Variants in PTPRD observed in about 807,000 individuals in gnomAD.
PTPRD encodes the protein receptor-type tyrosine-protein phosphatase delta.
In PTPRD, 34 loss-of-function variants were observed where a neutral mutation model predicts 214.5. The observed-to-expected ratio is 0.16, with a 90% CI of 0.12 to 0.21. The LOEUF (loss-of-function observed/expected upper bound fraction) is 0.21, where lower values mean the gene tolerates loss of function less well. PTPRD is among the 10% of genes least tolerant of loss of function. PTPRD has a pLI of 1.00. For synonymous variants in PTPRD, 1,128 were observed against 845.7 expected, an observed-to-expected ratio of 1.33 and a Z score of -5.79; for missense variants, 2,545 against 2,398.7, an observed-to-expected ratio of 1.06 and a Z score of -1.27.
chr9:10,126,426 TACAC>T (rs57563877), intron 3 of PTPRD, among the ~76,000 whole-genome samples: 2,191 of 96,220 alleles, frequency 0.023, 30 homozygotes, highest in Non-Finnish European at 0.024. Flanking sequence ...GTTTTATATA[TACAC>T]ACACACACAC....
At chr9:9,250,751 A>T (rs1294106337) in intron 9 of PTPRD, among the ~76,000 whole-genome samples, 2 of 152,094 alleles carry the variant, frequency 1.3e-5, no homozygotes, top group African/African-American at 4.8e-5. Flanking sequence ...ACCAAACCAA[A>T]ACCAAAACCA....
intron 2 of PTPRD, among the ~76,000 whole-genome samples, chr9:10,445,715 C>G (rs1226923565): frequency 6.6e-6 from 1 of 151,732 alleles, no homozygotes; most frequent in Non-Finnish European, 1.5e-5. Context: ...TTGGGAAGCA[C>G]TAACAAGAAA....
intron 3 of PTPRD, among the ~76,000 whole-genome samples, chr9:10,266,861 T>C (rs899901141): frequency 6.6e-5 from 10 of 152,064 alleles, no homozygotes; most frequent in African/African-American, 2.4e-4. Context: ...GTCAGAAAAC[T>C]TCATGAAGAA....
At chr9:10,443,872 T>C (rs2098779318) in intron 2 of PTPRD, among the ~76,000 whole-genome samples, 1 of 148,652 alleles carries the variant, frequency 6.7e-6, no homozygotes, top group African/African-American at 2.6e-5. Flanking sequence ...CACAAATGTT[T>C]TTCCAACCTC....
chr9:9,133,080 A>G (rs536633858), intron 10 of PTPRD, among the ~76,000 whole-genome samples: 2 of 152,324 alleles, frequency 1.3e-5, no homozygotes, highest in Admixed American at 6.5e-5. Context: ...ATATCATGCA[A>G]TCAGGGTTAT....
intron 8 of PTPRD, among the ~76,000 whole-genome samples, chr9:9,521,849 T>C (rs2096981161): frequency 6.6e-6 from 1 of 152,012 alleles, no homozygotes; most frequent in South Asian, 2.1e-4. Flanking sequence ...GGCTTATAAA[T>C]ACTACAGAAA....
At chr9:8,521,598 GATT>G (rs1287730510) in intron 19 of PTPRD, 52 bp from the exon 20 acceptor site, 1 of 1,579,966 alleles carries the variant, frequency 6.3e-7, no homozygotes, top group African/African-American at 1.3e-5. Context: ...AGAAAAAGTG[GATT>G]ATTAAACACA....
At chr9:8,454,273 T>C (rs1456726071) in intron 33 of PTPRD, among the ~76,000 whole-genome samples, 1 of 152,236 alleles carries the variant, frequency 6.6e-6, no homozygotes, top group Admixed American at 6.5e-5. Flanking sequence ...ATGTCTGCTC[T>C]GTAAACACAT....
At chr9:9,895,694 C>T (rs2074769130) in intron 5 of PTPRD, among the ~76,000 whole-genome samples, 1 of 151,886 alleles carries the variant, frequency 6.6e-6, no homozygotes, top group Non-Finnish European at 1.5e-5. Context: ...CTATAGTCAA[C>T]AATATATTCT....
At chr9:9,944,846 G>C (rs761813571) in intron 4 of PTPRD, among the ~76,000 whole-genome samples, 1 of 152,032 alleles carries the variant, frequency 6.6e-6, no homozygotes, top group African/African-American at 2.4e-5. Context: ...AAGCCAGTGG[G>C]GTATTTTTTG....
chr9:9,049,938 G>C (rs564586656), intron 10 of PTPRD, among the ~76,000 whole-genome samples: 1 of 152,320 alleles, frequency 6.6e-6, no homozygotes, highest in East Asian at 1.9e-4. Context: ...AATGGTTCCT[G>C]AGTCACTTCC....
intron 11 of PTPRD, among the ~76,000 whole-genome samples, chr9:8,867,268 G>C (rs1267874156): frequency 1.3e-5 from 2 of 151,848 alleles, no homozygotes; most frequent in African/African-American, 2.4e-5. Flanking sequence ...TCCATGCAAG[G>C]AGATGAAATG....
At chr9:8,990,885 C>T (rs917234400) in intron 11 of PTPRD, among the ~76,000 whole-genome samples, 2 of 151,992 alleles carry the variant, frequency 1.3e-5, no homozygotes, top group African/African-American at 4.8e-5. Flanking sequence ...CACATTGCTA[C>T]ATGGCTGCCT....
rs932531440 is a variant in PTPRD, at chr9:9,391,302, G to A, written c.-203+6147C>T. Among the ~76,000 whole-genome samples the A allele has an allele frequency of 8.8e-4, 134 of 152,156 alleles. 1 individual carries two copies. Among genetic ancestry groups the A allele is most frequent in the African/African-American group, 3.1e-3 (130 of 41,504 alleles). On this transcript the variant is annotated intron_variant, in intron 9 of 45. Transcript: ENST00000381196. Reference sequence around the variant, plus strand: ...CTATAAACTACTCTGATTTTTAAATGATATTGATAAACAAGGAGACATTTC... The same window carrying A: ...CTATAAACTACTCTGATTTTTAAATAATATTGATAAACAAGGAGACATTTC...
intron 9 of PTPRD, among the ~76,000 whole-genome samples, chr9:9,224,971 T>C (rs190181885): frequency 6.6e-6 from 1 of 152,152 alleles, no homozygotes; most frequent in African/African-American, 2.4e-5. Context: ...TTCCTGTTAC[T>C]TTGGTGAATA....
intron 4 of PTPRD, among the ~76,000 whole-genome samples, chr9:9,952,928 A>C (rs1053111683): frequency 2.0e-5 from 3 of 152,174 alleles, no homozygotes; most frequent in African/African-American, 7.2e-5. Context: ...AGAATGATAT[A>C]ATTGGCAAGT....
chr9:10,508,075 T>C (rs951647309), intron 2 of PTPRD, among the ~76,000 whole-genome samples: 1 of 152,090 alleles, frequency 6.6e-6, no homozygotes, highest in African/African-American at 2.4e-5. Flanking sequence ...ATATCCACAA[T>C]CTACAAAGAA....
chr9:10,494,449 T>G (rs944447694), intron 2 of PTPRD, among the ~76,000 whole-genome samples: 1 of 151,808 alleles, frequency 6.6e-6, no homozygotes, highest in Non-Finnish European at 1.5e-5. Context: ...GGCCTCATAT[T>G]GTTCTTTGGA....
At chr9:9,407,481 T>C (rs1014243170) in intron 8 of PTPRD, among the ~76,000 whole-genome samples, 1 of 151,818 alleles carries the variant, frequency 6.6e-6, no homozygotes, top group African/African-American at 2.4e-5. Flanking sequence ...ATACCAGATT[T>C]ATCAAAATAA....
Sources: allele counts gnomAD v4.1 joint callset (sites outside exome capture counted in the v4.1 genomes callset), GRCh38; gene constraint gnomAD v4.1.1; transcripts MANE v1.5; gene names NCBI Gene and HGNC (gene_info 2026-07-23, HGNC 2026-07-21).